Variants in PCDHGB5 observed in about 807,000 individuals in gnomAD.
PCDHGB5 encodes the protein protocadherin gamma subfamily B, 5, also known as protocadherin gamma-B5.
A neutral mutation model predicts 62.9 loss-of-function variants in PCDHGB5; 48 were observed. The observed-to-expected ratio is 0.76, with a 90% CI of 0.61 to 0.97. The LOEUF is 0.97. Among genes scored for constraint, PCDHGB5 ranks in the 50% least tolerant of loss-of-function variants. The probability of loss-of-function intolerance (pLI) is 0.00; values close to 1 mark genes in which losing one functional copy is unlikely to be tolerated. For missense variants in PCDHGB5, 1,118 were observed against 1,198.6 expected (o/e 0.93, Z 0.99); for synonymous variants, 474 against 511.2 (o/e 0.93, Z 0.98).
intron 1 of PCDHGB5, chr5:141,418,035 T>C: frequency 6.2e-7 from 1 of 1,614,000 alleles, no homozygotes; most frequent in Non-Finnish European, 8.5e-7. Context: ...CTTAGTGTCC[T>C]GGATGTGTCG....
In PCDHGB5 at chr5:141,511,098, T is replaced by G; in HGVS notation, c.2697T>G (p.Ala899=). 6.2e-7 allele frequency: 1 copy of G among 1,614,132 alleles called. No individual in the cohort carries two copies. The highest frequency in any genetic ancestry group is 8.5e-7 in the Non-Finnish European group (1 of 1,179,996). ...PGSNATLTNA[A]GKRDGKAPAG... is the part of the protein sequence containing the mutation. The stretch of plus-strand genomic sequence containing the variant: ...GCAATGCCACACTGACCAACGCAGC[T>G]GGCAAGCGGGATGGCAAGGCCCCAG... Residue 899 remains alanine, a synonymous_variant, in exon 4 of 4, where the codon GCT becomes GCG. Transcript: ENST00000617380.
intron 1 of PCDHGB5, chr5:141,418,580 G>A: frequency 1.2e-5 from 20 of 1,614,018 alleles, no homozygotes; most frequent in Non-Finnish European, 1.7e-5. Flanking sequence ...CAACCCCCCA[G>A]TGTTCAGCCA....
At position 141,460,491 on chromosome 5, in the gene PCDHGB5, A is replaced by G. The variant is rs544539917; in HGVS notation, c.2398-34316A>G. Among the ~76,000 whole-genome samples, 240 of 152,272 alleles carry G rather than the reference A, an allele frequency of 1.6e-3. 1 individual carries two copies. Among genetic ancestry groups the G allele is most frequent in the Non-Finnish European group, 2.6e-3 (177 of 68,014 alleles). On this transcript the variant is annotated intron_variant, in intron 1 of 3. Transcript: ENST00000617380. ...AAGGAATATCCAATTGTCTCTTTGG[A>G]AAAATATGCTGAGAAGGCTATCTTT...
chr5:141,476,565 C>T lies in PCDHGB5; in HGVS notation c.2398-18242C>T. 6.2e-7 allele frequency: 1 copy of T among 1,614,184 alleles called. No individual in the cohort carries two copies. Among genetic ancestry groups the T allele is most frequent in the Non-Finnish European group, 8.5e-7 (1 of 1,180,034 alleles). On this transcript the variant is annotated intron_variant, in intron 1 of 3. Coordinates refer to ENST00000617380, the MANE Select transcript of PCDHGB5 (RefSeq NM_018925.3). This position sits in a 1 kb window ranked among gnomAD's most constrained non-coding sequence, Gnocchi z 7.6. ...TTGGAGATTAGCGAGGCCGTGGCTC[C>T]GGGGACGCGCTTTCCGCTCGAGAGC...
At chr5:141,479,685 G>A (rs749895405) in intron 1 of PCDHGB5, 3 of 152,248 alleles carry the variant, frequency 2.0e-5, no homozygotes, top group Non-Finnish European at 4.4e-5. Flanking sequence ...AGTCTTTTTG[G>A]TGCCTCCAGT....
intron 1 of PCDHGB5, chr5:141,430,540 G>T: frequency 2.6e-6 from 1 of 386,954 alleles, no homozygotes; most frequent in Admixed American, 4.2e-5. Flanking sequence ...GACTCTGAGC[G>T]CCGCTGTTCA....
chr5:141,402,281 C>A (rs1589453227), intron 1 of PCDHGB5, among the ~76,000 whole-genome samples: 1 of 151,846 alleles, frequency 6.6e-6, no homozygotes, highest in African/African-American at 2.4e-5. Flanking sequence ...AGTGGATAAT[C>A]TATCCTTATA....
chr5:141,403,909 A>G (rs2094466419), intron 1 of PCDHGB5: 1 of 1,613,946 alleles, frequency 6.2e-7, no homozygotes, highest in East Asian at 2.2e-5. Context: ...AAATGGAAAT[A>G]CAAGCTGAAG....
In PCDHGB5 at chr5:141,477,005, T is replaced by C; in HGVS notation, c.2398-17802T>C. The C allele has an allele frequency of 1.2e-6, 2 of 1,614,240 alleles. No individual in the cohort carries two copies. Among genetic ancestry groups the C allele is most frequent in the Non-Finnish European group, 1.7e-6 (2 of 1,180,040 alleles). Reference sequence around the variant, plus strand: ...CGCCGGCGTGCGGCAACTATTCGCCTTAGACCTTGTAACCGGGATGCTGAC... The same window carrying C: ...CGCCGGCGTGCGGCAACTATTCGCCCTAGACCTTGTAACCGGGATGCTGAC... On this transcript the variant is annotated intron_variant, in intron 1 of 3. Transcript: ENST00000617380. The surrounding 1 kb of genome is among the most constrained non-coding windows in gnomAD (Gnocchi z 4.9).
At chr5:141,488,784 T>C (rs116057353) in intron 1 of PCDHGB5, among the ~76,000 whole-genome samples, 1 of 152,248 alleles carries the variant, frequency 6.6e-6, no homozygotes, top group African/African-American at 2.4e-5. Flanking sequence ...TTGTATCACT[T>C]TGTCTTCCCT....
rs757410882 is a variant in PCDHGB5 at position 141,421,504 on chromosome 5, C to T, written c.2397+20980C>T. 8 of 1,614,062 alleles carry T rather than the reference C, an allele frequency of 5.0e-6. No homozygotes were observed. The highest frequency in any genetic ancestry group is 3.3e-5 in the South Asian group (3 of 91,088). ...CTTGATCACGGCAGGCAGGATAGACCGGGAGGAGCTCTGTGAGACGGTGTC... is the reference window on the plus strand; with the variant it reads ...CTTGATCACGGCAGGCAGGATAGACTGGGAGGAGCTCTGTGAGACGGTGTC... On this transcript the variant is annotated intron_variant, in intron 1 of 3. Transcript: ENST00000617380.
In PCDHGB5 at chr5:141,422,632, G is replaced by T. The variant is rs199543811; in HGVS notation, c.2397+22108G>T. ...CTACATTCCCGAAAACAACCCCAGGGGTGCCTCCATCTTCTCAGTGACCGC... is the reference window on the plus strand; with the variant it reads ...CTACATTCCCGAAAACAACCCCAGGTGTGCCTCCATCTTCTCAGTGACCGC... On this transcript the variant is annotated intron_variant, in intron 1 of 3. Coordinates refer to ENST00000617380, the MANE Select transcript of PCDHGB5 (RefSeq NM_018925.3). 4,245 of 1,613,132 alleles carry T rather than the reference G, an allele frequency of 2.6e-3. 5 individuals carry two copies. The highest frequency in any genetic ancestry group is 3.2e-3 in the Admixed American group (193 of 59,948).
At chr5:141,428,147 G>A (rs771536400) in intron 1 of PCDHGB5, 2 of 1,589,610 alleles carry the variant, frequency 1.3e-6, no homozygotes, top group Admixed American at 1.7e-5. Context: ...GGCTGCACAC[G>A]GGAACCTGCT....
Position 141,487,568 on chromosome 5 carries a change from C to G in PCDHGB5, c.2398-7239C>G, listed in dbSNP as rs752378906. The G allele has an allele frequency of 1.9e-6, 3 of 1,614,180 alleles. No homozygotes were observed. Among genetic ancestry groups the G allele is most frequent in the Non-Finnish European group, 2.5e-6 (3 of 1,180,042 alleles). ...ACCCAGTGCACCTATGGCAGGGGAG[C>G]CTGTTCGCCCAAGCTGCCCACCCTC... On this transcript the variant is annotated intron_variant, in intron 1 of 3. Transcript: ENST00000617380. This position sits in a 1 kb window ranked among gnomAD's most constrained non-coding sequence, Gnocchi z 5.0.
rs1486545769 is a variant in PCDHGB5 at position 141,431,780 on chromosome 5, A to T, written c.2397+31256A>T. On this transcript the variant is annotated intron_variant, in intron 1 of 3. Coordinates refer to ENST00000617380, the MANE Select transcript of PCDHGB5 (RefSeq NM_018925.3). This position sits in a 1 kb window ranked among gnomAD's most constrained non-coding sequence, Gnocchi z 4.8. The stretch of plus-strand genomic sequence containing the variant: ...AGTCCTGATCACTGTTCTGGACGTG[A>T]ACGACAATGCCCCAGAAGTGGTCCT... 4 of 1,614,086 alleles carry T rather than the reference A, an allele frequency of 2.5e-6. No homozygotes were observed. The highest frequency in any genetic ancestry group is 3.4e-6 in the Non-Finnish European group (4 of 1,180,028).
Position 141,486,986 on chromosome 5 carries a change from T to C in PCDHGB5, c.2398-7821T>C. Reference sequence around the variant, plus strand: ...GGACTTGGATTCAGGTTACAATGCTTGGGTTTCCTATCAGCTCCTGGAGGC... The same window carrying C: ...GGACTTGGATTCAGGTTACAATGCTCGGGTTTCCTATCAGCTCCTGGAGGC... On this transcript the variant is annotated intron_variant, in intron 1 of 3. Coordinates refer to ENST00000617380, the MANE Select transcript of PCDHGB5 (RefSeq NM_018925.3). The surrounding 1 kb of genome is among the most constrained non-coding windows in gnomAD (Gnocchi z 5.0). 6.2e-7 allele frequency: 1 copy of C among 1,614,214 alleles called. No homozygotes were observed. Among genetic ancestry groups the C allele is most frequent in the South Asian group, 1.1e-5 (1 of 91,088 alleles).
chr5:141,431,442 TCC>T lies in PCDHGB5; in HGVS notation c.2397+30919_2397+30920del. ...CCGGTGCGCACAGGCACCGCGCGCATCCGCGTGATGGTTCTGGATGCGAACGA... is the reference window on the plus strand; with the variant it reads ...CCGGTGCGCACAGGCACCGCGCGCATGCGTGATGGTTCTGGATGCGAACGA... On this transcript the variant is annotated intron_variant, in intron 1 of 3. Transcript: ENST00000617380. This position sits in a 1 kb window ranked among gnomAD's most constrained non-coding sequence, Gnocchi z 4.8. 1 of 1,613,746 alleles carries T rather than the reference TCC, an allele frequency of 6.2e-7. No homozygotes were observed. The highest frequency in any genetic ancestry group is 1.3e-5 in the African/African-American group (1 of 75,074).
In PCDHGB5 at chr5:141,398,222, A is replaced by C; in HGVS notation, c.95A>C (p.Gln32Pro). 1.3e-6 allele frequency: 2 copies of C among 1,483,320 alleles called. No homozygotes were observed. The highest frequency in any genetic ancestry group is 1.8e-6 in the Non-Finnish European group (2 of 1,097,566). The allele number at this position is 1,483,320 out of a possible 1,614,324, so 91.9% of individuals were successfully genotyped here. Reference sequence around the variant, plus strand: ...TTGTTCTGCCCGGCGCTCTGTGAGCAGATCCGCTACAGGATTCCCGAGGAA... The same window carrying C: ...TTGTTCTGCCCGGCGCTCTGTGAGCCGATCCGCTACAGGATTCCCGAGGAA... Reference protein sequence around the residue: ...LSLFCPALCEQIRYRIPEEMP... With the variant: ...LSLFCPALCEPIRYRIPEEMP... The change falls in exon 1 of 4, where the codon CAG becomes CCG. Residue 32 changes from glutamine (Q) to proline (P), a missense_variant. Gln to Pro is a moderately conservative substitution (Grantham distance 76). Transcript: ENST00000617380.
At position 141,486,778 on chromosome 5, in the gene PCDHGB5, G is replaced by A. The variant is rs750169906; in HGVS notation, c.2398-8029G>A. The A allele has an allele frequency of 1.2e-6, 2 of 1,614,104 alleles. No individual in the cohort carries two copies. Among genetic ancestry groups the A allele is most frequent in the Admixed American group, 1.7e-5 (1 of 60,006 alleles). ...AAACCCAGACACTGCAGTTTGAGGT[G>A]CAGGCCCGGGATCGGGGCAACCCAC... is the stretch of plus-strand genomic sequence containing the variant. On this transcript the variant is annotated intron_variant, in intron 1 of 3. Coordinates refer to ENST00000617380, the MANE Select transcript of PCDHGB5 (RefSeq NM_018925.3). This position sits in a 1 kb window ranked among gnomAD's most constrained non-coding sequence, Gnocchi z 5.0.
Sources: gnomAD v4.1 joint callset for allele counts (sites outside exome capture counted in the v4.1 genomes callset) on GRCh38, gnomAD v4.1.1 for gene constraint, Gnocchi (gnomAD v3.1) non-coding constraint, MANE v1.5 for transcripts, NCBI Gene and HGNC (gene_info 2026-07-23, HGNC 2026-07-21) for gene names.